The following MFGE8 variants were observed in gnomAD, a reference collection of about 807,000 sequenced individuals.
MFGE8 encodes milk fat globule EGF and factor V/VIII domain containing, also known as lactadherin.
In MFGE8, 34 loss-of-function variants were observed where a neutral mutation model predicts 42.6. The ratio of observed to expected loss-of-function variants is 0.80; its 90% CI spans 0.61 to 1.06. The LOEUF (loss-of-function observed/expected upper bound fraction) is 1.06. MFGE8 is among the 50% of genes least tolerant of loss of function. The pLI is 0.00. For synonymous variants in MFGE8, 230 were observed against 214.8 expected, an observed-to-expected ratio of 1.07 and a Z score of -0.62; for missense variants, 510 against 516.9, an observed-to-expected ratio of 0.99 and a Z score of 0.13.
chr15:88,905,832 A>G lies in MFGE8; in HGVS notation c.610T>C (p.Tyr204His). 6.2e-7 allele frequency: 1 copy of G among 1,614,222 alleles called. No homozygotes were observed. Among genetic ancestry groups the G allele is most frequent in the Non-Finnish European group, 8.5e-7 (1 of 1,180,022 alleles). ...CAGCTCGTGGGGTACAATCTCACGT[A>G]CTGAGCCTCCACAGGGGTCTCAAAC... is the stretch of plus-strand genomic sequence containing the variant. ...NLFETPVEAQ[Y>H]VRLYPTSCHT... The change falls in exon 5 of 8, where the codon TAC becomes CAC. Residue 204 changes from tyrosine (Y) to histidine (H), a missense_variant. Tyr to His is a moderately conservative substitution (Grantham distance 83). Coordinates refer to ENST00000268150, the MANE Select transcript of MFGE8 (RefSeq NM_005928.4). This position sits in a 1 kb window ranked among gnomAD's most constrained non-coding sequence, Gnocchi z 6.6.
In MFGE8 at chr15:88,901,713, C is replaced by T. The variant is rs762454959; in HGVS notation, c.708G>A (p.Leu236=). 3.1e-6 allele frequency: 5 copies of T among 1,613,998 alleles called. No individual in the cohort carries two copies. Among genetic ancestry groups the T allele is most frequent in the Admixed American group, 1.7e-5 (1 of 59,984 alleles). Residue 236 remains leucine, a synonymous_variant, in exon 6 of 8, where the codon CTG becomes CTA. Coordinates refer to ENST00000268150, the MANE Select transcript of MFGE8 (RefSeq NM_005928.4). ...ELNGCANPLG[L]KNNSIPDKQI... ...GCTTGTCAGGGATGCTGTTATTCTT[C>T]AGGCCCAGGGGATTGGCGCATCCTG...
chr15:88,906,887 G>T lies in MFGE8; in HGVS notation c.388-109C>A. The T allele has an allele frequency of 7.3e-7, 1 of 1,371,680 alleles. No homozygotes were observed. Among genetic ancestry groups the T allele is most frequent in the Non-Finnish European group, 1.0e-6 (1 of 971,216 alleles). 85.0% of individuals were successfully genotyped at this position (1,371,680 alleles called of 1,614,324 possible). A position where few individuals can be genotyped will look rare whatever the true frequency, so the allele number is the denominator to read the frequency against. On this transcript the variant is annotated intron_variant, in intron 3 of 7. Transcript: ENST00000268150. The surrounding 1 kb of genome is among the most constrained non-coding windows in gnomAD (Gnocchi z 4.2). ...CCCACTGGGTGGGGGAACAACTCAA[G>T]CAAAACAGAGGAGGGGTAGCTGAGC... is the stretch of plus-strand genomic sequence containing the variant.
At chr15:88,909,532 T>C (rs2280213) in intron 2 of MFGE8, among the ~76,000 whole-genome samples, 35,643 of 152,182 alleles carry the variant, frequency 0.23, 4,577 homozygotes, top group Middle Eastern at 0.32. Flanking sequence ...CTCACTCCTC[T>C]GCATCAGCAT....
chr15:88,901,191 A>C (rs1023374797), intron 6 of MFGE8, among the ~76,000 whole-genome samples: 1 of 108,418 alleles, frequency 9.2e-6, no homozygotes, highest in African/African-American at 3.9e-5. Context: ...ATTCACACAC[A>C]CATTCACACA....
Position 88,899,926 on chromosome 15 carries a change from TCA to T in MFGE8, c.871-117_871-116del, listed in dbSNP as rs2141688855. ...TTGAAAAAAACTACTTGGGTGAGCC[TCA>T]GTTTCTTTGGCTATAAAATGGGCAT... On this transcript the variant is annotated intron_variant, in intron 6 of 7. Transcript: ENST00000268150. This position sits in a 1 kb window ranked among gnomAD's most constrained non-coding sequence, Gnocchi z 6.8. 2.4e-6 allele frequency: 3 copies of T among 1,254,622 alleles called. No individual in the cohort carries two copies. The highest frequency in any genetic ancestry group is 5.0e-5 in the East Asian group (2 of 39,820). The allele number at this position is 1,254,622 out of a possible 1,614,324, so 77.7% of individuals were successfully genotyped here.
Position 88,907,307 on chromosome 15 carries a change from C to T in MFGE8, c.275G>A (p.Arg92His), listed in dbSNP as rs377045000. The T allele has an allele frequency of 1.5e-5, 25 of 1,614,054 alleles. No individual in the cohort carries two copies. Among genetic ancestry groups the T allele is most frequent in the East Asian group, 2.2e-5 (1 of 44,886 alleles). Reference protein sequence around the residue: ...ANSQIAASSVRVTFLGLQHWV... With the variant: ...ANSQIAASSVHVTFLGLQHWV... ...ATGCTGCAAACCCAAGAAGGTCACA[C>T]GCACAGACGAGGCGGCGATCTGTGA... Residue 92 changes from arginine (R) to histidine (H), a missense_variant, in exon 3 of 8, where the codon CGT becomes CAT. Coordinates refer to ENST00000268150, the MANE Select transcript of MFGE8 (RefSeq NM_005928.4).
At position 88,909,785 on chromosome 15, in the gene MFGE8, TACTC is replaced by T. The variant is rs777808157; in HGVS notation, c.205+3_205+6del. On this transcript the variant is annotated splice_donor_5th_base_variant and intron_variant, in intron 2 of 7. Coordinates refer to ENST00000268150, the MANE Select transcript of MFGE8 (RefSeq NM_005928.4). ...GAAACAGGCAACAAGCACCCCCACA[TACTC>T]ACTCGTCTCACAGTGGTTGCCCGCG... The T allele has an allele frequency of 1.9e-6, 3 of 1,613,900 alleles. No individual in the cohort carries two copies. Among genetic ancestry groups the T allele is most frequent in the South Asian group, 2.2e-5 (2 of 91,078 alleles).
Position 88,901,136 on chromosome 15 carries a change from TTCACACACACATTC to T in MFGE8, c.870+401_870+414del, listed in dbSNP as rs1430031826. Among the ~76,000 whole-genome samples, 3 of 69,150 alleles carry T rather than the reference TTCACACACACATTC, an allele frequency of 4.3e-5. 1 individual carries two copies. Among genetic ancestry groups the T allele is most frequent in the Non-Finnish European group, 6.4e-5 (2 of 31,048 alleles). 45.4% of individuals were successfully genotyped at this position (69,150 alleles called of 152,430 possible). A position where few individuals can be genotyped will look rare whatever the true frequency, so the allele number is the denominator to read the frequency against. ...ACACATACACATTCACACACACACA[TTCACACACACATTC>T]TCACACACACATTCACACACATTCT... On this transcript the variant is annotated intron_variant, in intron 6 of 7. Coordinates refer to ENST00000268150, the MANE Select transcript of MFGE8 (RefSeq NM_005928.4).
At position 88,901,619 on chromosome 15, in the gene MFGE8, G is replaced by A. The variant is rs377161678; in HGVS notation, c.802C>T (p.Arg268Trp). 15 of 1,610,636 alleles carry A rather than the reference G, an allele frequency of 9.3e-6. No individual in the cohort carries two copies. Among genetic ancestry groups the A allele is most frequent in the Non-Finnish European group, 1.1e-5 (13 of 1,178,012 alleles). ...TTGAAGTTGCCCTGCTTGTCCAGCCGTGCATAGGAGGGGTTCCAGCTGAAG... is the reference window on the plus strand; with the variant it reads ...TTGAAGTTGCCCTGCTTGTCCAGCCATGCATAGGAGGGGTTCCAGCTGAAG... The part of the protein sequence containing the change: ...HLFSWNPSYA[R>W]LDKQGNFNAW... Residue 268 changes from arginine to tryptophan, a missense_variant, in exon 6 of 8, where the codon CGG becomes TGG. Coordinates refer to ENST00000268150, the MANE Select transcript of MFGE8 (RefSeq NM_005928.4).
At chr15:88,900,830 G>A (rs1035072697) in intron 6 of MFGE8, 1 of 846,298 alleles carries the variant, frequency 1.2e-6, no homozygotes, top group African/African-American at 1.8e-5. Context: ...TATGTATGCT[G>A]TGCTCAAGGG....
intron 6 of MFGE8, chr15:88,900,700 G>T (rs1330026148): frequency 1.0e-6 from 1 of 985,270 alleles, no homozygotes; most frequent in Non-Finnish European, 1.2e-6. Context: ...CGTCCTGCCA[G>T]CTCTCGGCTT....
Position 88,906,098 on chromosome 15 carries a change from C to T in MFGE8, c.541-197G>A, listed in dbSNP as rs1192482117. ...CACGGCCCTCCACAAAGATTCTCCT[C>T]TCACTTTCCTTAATCATCATGGAGC... On this transcript the variant is annotated intron_variant, in intron 4 of 7. Transcript: ENST00000268150. This position sits in a 1 kb window ranked among gnomAD's most constrained non-coding sequence, Gnocchi z 4.2. The T allele has an allele frequency of 1.6e-6, 1 of 638,700 alleles. No homozygotes were observed. Among genetic ancestry groups the T allele is most frequent in the Non-Finnish European group, 2.8e-6 (1 of 363,232 alleles). 39.6% of individuals were successfully genotyped at this position (638,700 alleles called of 1,614,324 possible).
Position 88,905,669 on chromosome 15 carries a change from T to C in MFGE8, c.685+88A>G. 1.3e-6 allele frequency: 2 copies of C among 1,579,750 alleles called. No homozygotes were observed. On this transcript the variant is annotated intron_variant, in intron 5 of 7. Coordinates refer to ENST00000268150, the MANE Select transcript of MFGE8 (RefSeq NM_005928.4). The surrounding 1 kb of genome is among the most constrained non-coding windows in gnomAD (Gnocchi z 6.6). ...GTGCCTTGTTGCTGCCCTACCTAGC[T>C]CAGTTTGGCTGAGAAAAGAGGCAGC...
In MFGE8 at chr15:88,898,791, G is replaced by C. The variant is rs1861775325; in HGVS notation, c.*604C>G. The C allele has an allele frequency of 6.1e-6, 1 of 162,838 alleles. No homozygotes were observed. Among genetic ancestry groups the C allele is most frequent in the South Asian group, 1.6e-4 (1 of 6,078 alleles). 10.1% of individuals were successfully genotyped at this position (162,838 alleles called of 1,614,324 possible). ...ACCCTGCCAACCCATGCCCTCCTCT[G>C]ACCTCGCTCCCTTTCTCCCCATAGA... On this transcript the variant is annotated 3_prime_UTR_variant, in exon 8 of 8. Coordinates refer to ENST00000268150, the MANE Select transcript of MFGE8 (RefSeq NM_005928.4).
At position 88,899,201 on chromosome 15, in the gene MFGE8, C is replaced by G. The variant is rs2280215; in HGVS notation, c.*194G>C. On this transcript the variant is annotated 3_prime_UTR_variant, in exon 8 of 8. Coordinates refer to ENST00000268150, the MANE Select transcript of MFGE8 (RefSeq NM_005928.4). The surrounding 1 kb of genome is among the most constrained non-coding windows in gnomAD (Gnocchi z 6.8). ...GAGGACTGGGGGTTAGGGGACGGGG[C>G]TTAGGGGCTGGGGCAGGGCCCGTGA... 0.33 allele frequency: 231,134 copies of G among 704,258 alleles called. 38,574 individuals carry two copies. Among genetic ancestry groups the G allele is most frequent in the Admixed American group, 0.44 (18,384 of 41,870 alleles). 43.6% of individuals were successfully genotyped at this position (704,258 alleles called of 1,614,324 possible). A position where few individuals can be genotyped will look rare whatever the true frequency, so the allele number is the denominator to read the frequency against.
chr15:88,909,309 G>A (rs370439322), intron 2 of MFGE8, among the ~76,000 whole-genome samples: 1 of 152,250 alleles, frequency 6.6e-6, no homozygotes, highest in South Asian at 2.1e-4. Context: ...CCCGAGCTCT[G>A]CGATGAGGCT....
At chr15:88,900,142 T>C (rs61234931) in intron 6 of MFGE8, among the ~76,000 whole-genome samples, 1 of 150,762 alleles carries the variant, frequency 6.6e-6, no homozygotes, top group South Asian at 2.1e-4. Flanking sequence ...CTAGGGAGGC[T>C]GAGTCAGAAG....
In MFGE8 at chr15:88,899,407, C is replaced by T. The variant is rs765727421; in HGVS notation, c.1152G>A (p.Leu384=). 1 of 1,614,116 alleles carries T rather than the reference C, an allele frequency of 6.2e-7. No homozygotes were observed. Among genetic ancestry groups the T allele is most frequent in the South Asian group, 1.1e-5 (1 of 91,088 alleles). Residue 384 remains leucine, a synonymous_variant, in exon 8 of 8, where the codon CTG becomes CTA. Transcript: ENST00000268150. The surrounding 1 kb of genome is among the most constrained non-coding windows in gnomAD (Gnocchi z 6.8). Reference sequence around the variant, plus strand: ...TGGCAGGTGGCCACTAACAGCCCAGCAGCTCCAGGCGCAGGGCGATGCGGT... The same window carrying T: ...TGGCAGGTGGCCACTAACAGCCCAGTAGCTCCAGGCGCAGGGCGATGCGGT... ...WHNRIALRLE[L]LGC
intron 6 of MFGE8, 34 bp downstream of exon 6, chr15:88,901,517 A>AACCCAAAAAGCAGGAC: frequency 9.3e-7 from 1 of 1,072,614 alleles, no homozygotes; most frequent in Non-Finnish European, 1.4e-6. Flanking sequence ...ATCCCACCCA[A>AACCCAAAAAGCAGGAC]CCCCAGCCCC....
Sources: gnomAD v4.1 joint callset for allele counts (sites outside exome capture counted in the v4.1 genomes callset) on GRCh38, gnomAD v4.1.1 for gene constraint, Gnocchi (gnomAD v3.1) non-coding constraint, MANE v1.5 for transcripts, NCBI Gene and HGNC (gene_info 2026-07-23, HGNC 2026-07-21) for gene names.